The following GRIN2A variants were observed in gnomAD, a reference collection of about 807,000 sequenced individuals.
The protein encoded by GRIN2A is glutamate receptor ionotropic, NMDA 2A.
GRIN2A carries 22 observed loss-of-function variants against 113.4 expected under a neutral mutation model. That is an observed-to-expected ratio of 0.19 (90% confidence interval 0.14 to 0.28). The LOEUF (loss-of-function observed/expected upper bound fraction) is 0.28. Ranked by LOEUF, GRIN2A falls within the 10% of genes least tolerant of loss-of-function variation. The pLI is 1.00. For missense variants in GRIN2A, 1,502 were observed against 1,887.0 expected (o/e 0.80, Z 3.78); for synonymous variants, 827 against 738.4 (o/e 1.12, Z -1.94).
intron 12 of GRIN2A, among the ~76,000 whole-genome samples, chr16:9,766,672 C>T (rs1410812052): frequency 6.6e-6 from 1 of 152,158 alleles, no homozygotes; most frequent in East Asian, 1.9e-4. Flanking sequence ...GGAAATCTTA[C>T]AAATGAGCCA....
intron 2 of GRIN2A, among the ~76,000 whole-genome samples, chr16:10,032,055 G>A (rs937773848): frequency 1.3e-5 from 2 of 152,138 alleles, no homozygotes; most frequent in African/African-American, 2.4e-5. Context: ...ACAGCGCATC[G>A]TATTTACTTG....
chr16:9,793,559 A>G (rs1009401745), intron 11 of GRIN2A, among the ~76,000 whole-genome samples: 1 of 152,120 alleles, frequency 6.6e-6, no homozygotes, highest in Non-Finnish European at 1.5e-5. Context: ...GAGGTACTCA[A>G]TAAAGAGTTG....
chr16:9,886,856 T>G (rs2141470953), intron 4 of GRIN2A, among the ~76,000 whole-genome samples: 1 of 152,300 alleles, frequency 6.6e-6, no homozygotes, highest in Admixed American at 6.5e-5. Flanking sequence ...GTTAGTTAAT[T>G]GTGCTGGGTA....
chr16:9,915,465 G>A (rs992889432), intron 3 of GRIN2A, among the ~76,000 whole-genome samples: 3 of 152,184 alleles, frequency 2.0e-5, no homozygotes, highest in African/African-American at 7.2e-5. Flanking sequence ...TGTGAAAGCA[G>A]CTTTATGGTA....
intron 2 of GRIN2A, among the ~76,000 whole-genome samples, chr16:9,945,841 C>T (rs577877552): frequency 2.6e-5 from 4 of 152,184 alleles, no homozygotes; most frequent in East Asian, 1.9e-4. Flanking sequence ...CAGCATCTTT[C>T]GTTTGCTATA....
chr16:9,789,342 G>A (rs1178045460), intron 11 of GRIN2A, among the ~76,000 whole-genome samples: 1 of 152,042 alleles, frequency 6.6e-6, no homozygotes, highest in African/African-American at 2.4e-5. Flanking sequence ...ACTAATTTCT[G>A]GGCCCCTGAA....
At chr16:9,855,065 T>C (rs138731093) in intron 4 of GRIN2A, among the ~76,000 whole-genome samples, 118 of 151,868 alleles carry the variant, frequency 7.8e-4, no homozygotes, top group African/African-American at 2.7e-3. Flanking sequence ...ATGGATCCCA[T>C]TGAGTTTTCA....
In GRIN2A at chr16:9,884,954, G is replaced by A. The variant is rs9933858; in HGVS notation, c.1122+6032C>T. On this transcript the variant is annotated intron_variant, in intron 4 of 12. Transcript: ENST00000330684. ...GGGTTTCATCATGTTAGCCAGGATG[G>A]TCTCCATCTCCTGACCTCGTGATCC... is the stretch of plus-strand genomic sequence containing the variant. Among the ~76,000 whole-genome samples, 1,423 of 151,654 alleles carry A rather than the reference G, an allele frequency of 9.4e-3. 22 individuals are homozygous for A. Among genetic ancestry groups the A allele is most frequent in the African/African-American group, 0.032 (1,327 of 41,316 alleles).
At chr16:9,960,187 T>C (rs942512374) in intron 2 of GRIN2A, among the ~76,000 whole-genome samples, 2 of 152,212 alleles carry the variant, frequency 1.3e-5, no homozygotes, top group Non-Finnish European at 2.9e-5. Flanking sequence ...CCATAGTAGG[T>C]AATTCATAAA....
chr16:10,119,286 T>C lies in GRIN2A; in HGVS notation c.414+60712A>G, dbSNP rs1213637112. On this transcript the variant is annotated intron_variant, in intron 2 of 12. Coordinates refer to ENST00000330684, the MANE Select transcript of GRIN2A (RefSeq NM_001134407.3). The stretch of plus-strand genomic sequence containing the variant: ...TGGGTGGGAACCTCAGGTTAGATCC[T>C]CATTACACTTAGAATGAGCGTTACC... Among the ~76,000 whole-genome samples the C allele has an allele frequency of 1.3e-5, 2 of 151,896 alleles. 1 individual carries two copies. Among genetic ancestry groups the C allele is most frequent in the Admixed American group, 1.3e-4 (2 of 15,226 alleles).
At chr16:9,888,667 A>G (rs2043633857) in intron 4 of GRIN2A, among the ~76,000 whole-genome samples, 1 of 151,966 alleles carries the variant, frequency 6.6e-6, no homozygotes, top group Non-Finnish European at 1.5e-5. Flanking sequence ...AGTCTAACTT[A>G]GAATAAGACA....
chr16:10,000,381 G>T (rs1369975534), intron 2 of GRIN2A, among the ~76,000 whole-genome samples: 3 of 152,002 alleles, frequency 2.0e-5, no homozygotes, highest in Non-Finnish European at 4.4e-5. Context: ...CCTCCTAAAA[G>T]GAAAATAAGT....
chr16:10,069,055 AG>A, intron 2 of GRIN2A, among the ~76,000 whole-genome samples: 1 of 152,264 alleles, frequency 6.6e-6, no homozygotes, highest in East Asian at 1.9e-4. Flanking sequence ...GAAGGCACCT[AG>A]GTTCTAGCCA....
intron 2 of GRIN2A, among the ~76,000 whole-genome samples, chr16:9,956,355 G>C (rs866882667): frequency 1.3e-5 from 2 of 152,144 alleles, no homozygotes; most frequent in African/African-American, 4.8e-5. Context: ...ATCTATGCAA[G>C]TCCTGGTTTA....
chr16:10,111,516 A>T (rs1432998908), intron 2 of GRIN2A: 1 of 726,154 alleles, frequency 1.4e-6, no homozygotes, highest in Non-Finnish European at 2.5e-6. Flanking sequence ...TAGATTTCAT[A>T]GCTGATGAGG....
At chr16:9,844,908 G>A (rs923288973) in intron 5 of GRIN2A, among the ~76,000 whole-genome samples, 9 of 152,016 alleles carry the variant, frequency 5.9e-5, no homozygotes, top group Admixed American at 3.3e-4. Context: ...GCTCATTTCC[G>A]GTTACCTGGT....
At chr16:9,797,287 G>C (rs1469633300) in intron 11 of GRIN2A, among the ~76,000 whole-genome samples, 1 of 152,156 alleles carries the variant, frequency 6.6e-6, no homozygotes, top group East Asian at 1.9e-4. Flanking sequence ...GCTCATTTTT[G>C]GTGTTAACCT....
At chr16:10,094,496 C>G (rs896913225) in intron 2 of GRIN2A, among the ~76,000 whole-genome samples, 1 of 151,816 alleles carries the variant, frequency 6.6e-6, no homozygotes, top group Admixed American at 6.6e-5. Context: ...ATTGCCCAGG[C>G]TGGGGTGCAA....
At chr16:9,882,041 T>TACACACACACAACACACAC (rs2043491021) in intron 4 of GRIN2A, among the ~76,000 whole-genome samples, 2 of 151,174 alleles carry the variant, frequency 1.3e-5, no homozygotes, top group Non-Finnish European at 2.9e-5. Context: ...TGATATCTCA[T>TACACACACACAACACACAC]ACACACACAC....
Sources: allele counts gnomAD v4.1 joint callset (sites outside exome capture counted in the v4.1 genomes callset), GRCh38; gene constraint gnomAD v4.1.1; transcripts MANE v1.5; gene names NCBI Gene and HGNC (gene_info 2026-07-23, HGNC 2026-07-21).